The following ANKRD35 variants were observed in gnomAD, a reference collection of about 807,000 sequenced individuals.
ANKRD35 encodes the protein ankyrin repeat domain 35.
Under a neutral mutation model 109.9 loss-of-function variants are expected in ANKRD35, and 102 were observed. The observed-to-expected ratio is 0.93, with a 90% CI of 0.79 to 1.09. The LOEUF is 1.09. ANKRD35 is among the 50% of genes least tolerant of loss of function. The pLI, the probability that ANKRD35 is intolerant of heterozygous loss-of-function variation, is 0.00. For missense variants in ANKRD35, 1,240 were observed against 1,230.1 expected (o/e 1.01, Z -0.12); for synonymous variants, 515 against 512.4 (o/e 1.01, Z -0.07).
chr1:145,873,647 A>C lies in ANKRD35; in HGVS notation c.1122T>G (p.Pro374=), dbSNP rs587657769. The change falls in exon 10 of 14, where the codon CCT becomes CCG. Residue 374 remains proline, a synonymous_variant. Coordinates refer to ENST00000355594, the MANE Select transcript of ANKRD35 (RefSeq NM_144698.5). ...PGGDGMEQGC[P]KDLLAESTQE... ...GTGTACTCTCAGCCAGCAGGTCCTT[A>C]GGACAACCCTGCTCCATGCCATCCC... 12 of 1,614,020 alleles carry C rather than the reference A, an allele frequency of 7.4e-6. No individual in the cohort carries two copies. The East Asian group carries it at 1.8e-4, about 24-fold the overall frequency.
At position 145,873,059 on chromosome 1, in the gene ANKRD35, G is replaced by GGCTC; in HGVS notation, c.1706_1709dup (p.Leu571SerfsTer13). The GGCTC allele has an allele frequency of 6.2e-7, 1 of 1,611,524 alleles. No homozygotes were observed. Among genetic ancestry groups the GGCTC allele is most frequent in the Non-Finnish European group, 8.5e-7 (1 of 1,178,848 alleles). On this transcript the variant is annotated frameshift_variant, in exon 10 of 14. Transcript: ENST00000355594. LOFTEE classifies it high-confidence loss of function. ...TGATGCTCCCTGGGGCTGCCTTTAG[G>GGCTC]GCTCCCTCTCTGGACTCCTGGGAAG... is the stretch of plus-strand genomic sequence containing the variant.
At chr1:145,878,628 A>G in intron 2 of ANKRD35, 149 bp from the exon 3 acceptor site, 1 of 703,600 alleles carries the variant, frequency 1.4e-6, no homozygotes, top group Non-Finnish European at 2.4e-6. Flanking sequence ...AATTTCTGAG[A>G]AAGAGAAGTC....
rs781921466 is a variant in ANKRD35 at position 145,867,376 on chromosome 1, T to G, written c.2960A>C (p.Glu987Ala). Residue 987 changes from glutamate to alanine, a missense_variant, in exon 13 of 14, where the codon GAA becomes GCA. Glu to Ala is a moderately radical substitution (Grantham distance 107). Coordinates refer to ENST00000355594, the MANE Select transcript of ANKRD35 (RefSeq NM_144698.5). ...GATTTGCAGCAGGATATTGTACACTTCATGTTCCATGTAACCCTGTAGATG... is the reference window on the plus strand; with the variant it reads ...GATTTGCAGCAGGATATTGTACACTGCATGTTCCATGTAACCCTGTAGATG... Reference protein sequence around the residue: ...LNAARGYMEHEVYNILLQILS... With the variant: ...LNAARGYMEHAVYNILLQILS... The G allele has an allele frequency of 6.2e-7, 1 of 1,613,884 alleles. No individual in the cohort carries two copies. The highest frequency in any genetic ancestry group is 8.5e-7 in the Non-Finnish European group (1 of 1,179,902).
rs1162707164 is a variant in ANKRD35, at chr1:145,872,836, G to C, written c.1933C>G (p.Leu645Val). The change falls in exon 10 of 14, where the codon CTA (leucine) becomes GTA (valine). Residue 645 changes from leucine (L) to valine (V), a missense_variant. Physicochemically the swap from Leu to Val is conservative, Grantham distance 32. Transcript: ENST00000355594. The stretch of plus-strand genomic sequence containing the variant: ...TGCAGCCGCTGGCTCAGGGACTGTA[G>C]CTCCCTCTGCAACCTCTGCCGCTCC... ...GRERQRLQRE[L>V]QSLSQRLQRE... 5.6e-6 allele frequency: 9 copies of C among 1,613,970 alleles called. No homozygotes were observed. Among genetic ancestry groups the C allele is most frequent in the East Asian group, 4.5e-5 (2 of 44,882 alleles).
chr1:145,885,688 A>C, intron 1 of ANKRD35, 32 bp downstream of exon 1: 1 of 1,612,068 alleles, frequency 6.2e-7, no homozygotes, highest in Non-Finnish European at 8.5e-7. Context: ...CTGGGATCCC[A>C]ACCCCATCCT....
At chr1:145,882,477 G>A (rs1570809284) in intron 1 of ANKRD35, among the ~76,000 whole-genome samples, 1 of 136,636 alleles carries the variant, frequency 7.3e-6, no homozygotes, top group African/African-American at 3.5e-5. Flanking sequence ...TTTTTTTAGA[G>A]ATGAGGTATC....
chr1:145,876,309 CCGG>C, intron 6 of ANKRD35, 63 bp from the exon 7 acceptor site: 1 of 1,491,724 alleles, frequency 6.7e-7, no homozygotes, highest in Admixed American at 1.8e-5. Context: ...GACAATCCTA[CCGG>C]CTCCCCTCCC....
chr1:145,872,864 C>T lies in ANKRD35; in HGVS notation c.1905G>A (p.Gly635=). 1 of 1,614,130 alleles carries T rather than the reference C, an allele frequency of 6.2e-7. No individual in the cohort carries two copies. Among genetic ancestry groups the T allele is most frequent in the Non-Finnish European group, 8.5e-7 (1 of 1,180,040 alleles). The part of the protein sequence containing the change: ...SNLLEELGEL[G]RERQRLQREL... ...CCCTCTGCAACCTCTGCCGCTCCCG[C>T]CCCAACTCCCCTAACTCCTCCAGCA... is the stretch of plus-strand genomic sequence containing the variant. The change falls in exon 10 of 14, where the codon GGG becomes GGA. Residue 635 remains glycine (G), a synonymous_variant. Coordinates refer to ENST00000355594, the MANE Select transcript of ANKRD35 (RefSeq NM_144698.5).
chr1:145,873,187 C>T lies in ANKRD35; in HGVS notation c.1582G>A (p.Glu528Lys). 1 of 1,614,136 alleles carries T rather than the reference C, an allele frequency of 6.2e-7. No individual in the cohort carries two copies. Among genetic ancestry groups the T allele is most frequent in the Non-Finnish European group, 8.5e-7 (1 of 1,180,012 alleles). ...TTCTCCCAGGCAGCTGCTGCTGCCT[C>T]AGCACGGGGAGTCCCCAGGGCTCCC... ...MEGALGTPRA[E>K]AAAAAWEKME... The change falls in exon 10 of 14, where the codon GAG becomes AAG. Residue 528 changes from glutamate (E) to lysine (K), a missense_variant. Glu to Lys is a moderately conservative substitution (Grantham distance 56, BLOSUM62 1). Transcript: ENST00000355594.
intron 1 of ANKRD35, among the ~76,000 whole-genome samples, chr1:145,881,604 C>A (rs1436205918): frequency 1.3e-5 from 2 of 152,198 alleles, no homozygotes; most frequent in Non-Finnish European, 2.9e-5. Flanking sequence ...TAGAACTATG[C>A]CCCACGACAG....
At chr1:145,878,581 C>CGATT in intron 2 of ANKRD35, 102 bp from the exon 3 acceptor site, 1 of 1,098,830 alleles carries the variant, frequency 9.1e-7, no homozygotes. Flanking sequence ...ACCCCAAAGC[C>CGATT]AATCCTAAAA....
intron 1 of ANKRD35, among the ~76,000 whole-genome samples, chr1:145,883,573 G>C (rs1168238989): frequency 6.6e-6 from 1 of 152,324 alleles, no homozygotes; most frequent in South Asian, 2.1e-4. Context: ...GCTTTAAAAT[G>C]ATCACTGCTT....
rs782280586 is a variant in ANKRD35 at position 145,873,679 on chromosome 1, G to A, written c.1090C>T (p.Pro364Ser). The A allele has an allele frequency of 6.2e-7, 1 of 1,614,134 alleles. No individual in the cohort carries two copies. Among genetic ancestry groups the A allele is most frequent in the Non-Finnish European group, 8.5e-7 (1 of 1,180,026 alleles). The change falls in exon 10 of 14, where the codon CCT becomes TCT. Residue 364 changes from proline to serine, a missense_variant. By Grantham distance (74) the Pro-to-Ser change is moderately conservative. Coordinates refer to ENST00000355594, the MANE Select transcript of ANKRD35 (RefSeq NM_144698.5). The part of the protein sequence containing the change: ...ASGKQGSSLR[P>S]GGDGMEQGCP... ...CCCTGCTCCATGCCATCCCCTCCAGGCCGGAGACTAGAGCCTTGCTTTCCT... is the reference window on the plus strand; with the variant it reads ...CCCTGCTCCATGCCATCCCCTCCAGACCGGAGACTAGAGCCTTGCTTTCCT...
intron 7 of ANKRD35, among the ~76,000 whole-genome samples, chr1:145,875,403 C>G (rs1319375167): frequency 6.6e-6 from 1 of 152,106 alleles, no homozygotes; most frequent in East Asian, 1.9e-4. Context: ...CCACAGCCTC[C>G]CAAAGTGCTG....
At chr1:145,876,934 C>A (rs1654103015) in intron 4 of ANKRD35, 61 bp from the exon 5 acceptor site, 1 of 1,562,582 alleles carries the variant, frequency 6.4e-7, no homozygotes, top group Non-Finnish European at 8.8e-7. Flanking sequence ...CATCCCATAC[C>A]CCCATTGGGT....
chr1:145,872,366 G>T lies in ANKRD35; in HGVS notation c.2403C>A (p.Ser801Arg). 6.2e-7 allele frequency: 1 copy of T among 1,612,470 alleles called. No homozygotes were observed. Among genetic ancestry groups the T allele is most frequent in the Non-Finnish European group, 8.5e-7 (1 of 1,179,212 alleles). ...GCTTTCCGATCTCCTGGCTCTTCCC[G>T]CTCATCGTGGCCTGAACTGCCCGCA... is the stretch of plus-strand genomic sequence containing the variant. Reference protein sequence around the residue: ...EELRAVQATMSGKSQEIGKLK... With the variant: ...EELRAVQATMRGKSQEIGKLK... Residue 801 changes from serine to arginine, a missense_variant, in exon 10 of 14, where the codon AGC (serine) becomes AGA (arginine). Ser to Arg is a moderately radical substitution (Grantham distance 110). Coordinates refer to ENST00000355594, the MANE Select transcript of ANKRD35 (RefSeq NM_144698.5).
At position 145,874,821 on chromosome 1, in the gene ANKRD35, C is replaced by A; in HGVS notation, c.745+1G>T. ...CGTGGAAGTTACACAAGGGCCTTTA[C>A]CGCCCCGCCGCCGCCGGCTCAGGGC... On this transcript the variant is annotated splice_donor_variant, in intron 8 of 13. Transcript: ENST00000355594. LOFTEE classifies it high-confidence loss of function. The A allele has an allele frequency of 6.3e-7, 1 of 1,585,840 alleles. No homozygotes were observed. The highest frequency in any genetic ancestry group is 8.6e-7 in the Non-Finnish European group (1 of 1,167,348).
chr1:145,867,223 A>C (rs1553737850), intron 13 of ANKRD35, 64 bp downstream of exon 13: 25 of 1,165,838 alleles, frequency 2.1e-5, no homozygotes, highest in Non-Finnish European at 2.4e-5. Context: ...ATTTCATTCC[A>C]TACACCTTTC....
chr1:145,868,094 C>G (rs1553738027), intron 11 of ANKRD35, 38 bp from the exon 12 acceptor site: 1 of 1,602,084 alleles, frequency 6.2e-7, no homozygotes, highest in Non-Finnish European at 8.6e-7. Flanking sequence ...CATGTCCACC[C>G]TCAGTCACCC....
Sources: gnomAD v4.1 joint callset for allele counts (sites outside exome capture counted in the v4.1 genomes callset) on GRCh38, gnomAD v4.1.1 for gene constraint, MANE v1.5 for transcripts, NCBI Gene and HGNC (gene_info 2026-07-23, HGNC 2026-07-21) for gene names.